Variants in IFT140 observed in about 807,000 individuals in gnomAD.
The protein encoded by IFT140 is intraflagellar transport protein 140 homolog.
A neutral mutation model predicts 164.6 loss-of-function variants in IFT140; 133 were observed. That is an observed-to-expected ratio of 0.81 (90% CI 0.70 to 0.93). IFT140 has a LOEUF of 0.93. Among genes scored for constraint, IFT140 ranks in the 40% least tolerant of loss-of-function variants. The probability of loss-of-function intolerance (pLI) is 0.00; values close to 1 mark genes in which losing one functional copy is unlikely to be tolerated. For missense variants in IFT140, 2,045 were observed against 1,972.3 expected, an observed-to-expected ratio of 1.04 and a Z score of -0.70; for synonymous variants, 860 against 817.3, an observed-to-expected ratio of 1.05 and a Z score of -0.89.
At chr16:1,534,151 G>A (rs2030804474) in intron 19 of IFT140, 2 of 1,279,704 alleles carry the variant, frequency 1.6e-6, no homozygotes, top group Non-Finnish European at 1.1e-6. Context: ...GCCTCCGCCC[G>A]CGCCGCCCCG....
chr16:1,607,914 G>C (rs1242304354), intron 2 of IFT140, among the ~76,000 whole-genome samples: 1 of 152,176 alleles, frequency 6.6e-6, no homozygotes, highest in Non-Finnish European at 1.5e-5. Flanking sequence ...CAAAGTGCTG[G>C]GATTACAGCC....
intron 11 of IFT140, 34 bp from the exon 12 acceptor site, chr16:1,583,420 C>A: frequency 6.2e-7 from 1 of 1,600,018 alleles, no homozygotes. Context: ...AGGCAAAGGG[C>A]GGGAAAAGTG....
chr16:1,595,182 G>C (rs952738578), intron 4 of IFT140, among the ~76,000 whole-genome samples: 2 of 152,218 alleles, frequency 1.3e-5, no homozygotes, highest in African/African-American at 4.8e-5. Context: ...CTACTCGGGA[G>C]GCTGAGGCAG....
At chr16:1,594,680 C>G (rs549294399) in intron 4 of IFT140, among the ~76,000 whole-genome samples, 1 of 152,204 alleles carries the variant, frequency 6.6e-6, no homozygotes, top group African/African-American at 2.4e-5. Flanking sequence ...CAGACAGGTG[C>G]GAGTGGAGTT....
chr16:1,596,703 A>G (rs1350615444), intron 4 of IFT140, among the ~76,000 whole-genome samples: 2 of 152,110 alleles, frequency 1.3e-5, no homozygotes, highest in African/African-American at 2.4e-5. Flanking sequence ...TTTCTGCCCA[A>G]CGATCCTGGA....
chr16:1,528,455 G>T (rs1596310116), intron 19 of IFT140, among the ~76,000 whole-genome samples: 1 of 149,126 alleles, frequency 6.7e-6, no homozygotes, highest in African/African-American at 2.5e-5. Flanking sequence ...TCACATGCAT[G>T]CACACACACA....
rs763213109 is a variant in IFT140, at chr16:1,510,971, C to G, written c.4362G>C (p.Val1454=). ...MEDARELDEE[V]VEEADDDP ...AGGGGTCGTCATCTGCCTCTTCCAC[C>G]ACCTCCTCGTCCAGCTCCCTGGCGT... The change falls in exon 31 of 31, where the codon GTG becomes GTC. Residue 1454 remains valine, a synonymous_variant. Coordinates refer to ENST00000426508, the MANE Select transcript of IFT140 (RefSeq NM_014714.4). 1.2e-6 allele frequency: 2 copies of G among 1,612,318 alleles called. No individual in the cohort carries two copies. Among genetic ancestry groups the G allele is most frequent in the Admixed American group, 3.3e-5 (2 of 59,880 alleles).
intron 19 of IFT140, chr16:1,541,481 G>A (rs2031629831): frequency 1.0e-6 from 1 of 985,408 alleles, no homozygotes; most frequent in Non-Finnish European, 1.2e-6. Flanking sequence ...CTGGCCCCCC[G>A]CGGAGTCTCC....
chr16:1,583,321 C>G lies in IFT140; in HGVS notation c.1425G>C (p.Arg475=), dbSNP rs1312262491. ...CGGGTGAAAAGAACCCACCTGCACT[C>G]CGTATCGCGGCTCCAGAAAGCTCGA... ...AIFELSGAAI[R]SAGTFLCETP... is the part of the protein sequence containing the mutation. The change falls in exon 12 of 31, where the codon CGG becomes CGC. Residue 475 remains arginine, a synonymous_variant. Coordinates refer to ENST00000426508, the MANE Select transcript of IFT140 (RefSeq NM_014714.4). The G allele has an allele frequency of 6.2e-7, 1 of 1,613,984 alleles. No homozygotes were observed. The highest frequency in any genetic ancestry group is 1.3e-5 in the African/African-American group (1 of 74,922).
intron 19 of IFT140, among the ~76,000 whole-genome samples, chr16:1,535,434 T>C (rs1025840482): frequency 6.6e-6 from 1 of 151,964 alleles, no homozygotes; most frequent in African/African-American, 2.4e-5. Context: ...GTCAGCAAGG[T>C]TTTGACTCGC....
At chr16:1,601,588 C>T (rs568861654) in intron 4 of IFT140, among the ~76,000 whole-genome samples, 4 of 152,228 alleles carry the variant, frequency 2.6e-5, no homozygotes, top group Non-Finnish European at 5.9e-5. Context: ...GTGGGAACAG[C>T]GGGCGAATCG....
intron 21 of IFT140, 151 bp from the exon 22 acceptor site, chr16:1,525,477 A>C: frequency 1.5e-6 from 1 of 670,220 alleles, no homozygotes; most frequent in Non-Finnish European, 2.6e-6. Flanking sequence ...CCCTGAGCAC[A>C]CGTGGCCAGG....
intron 19 of IFT140, among the ~76,000 whole-genome samples, chr16:1,545,220 C>A (rs1567352897): frequency 6.6e-6 from 1 of 152,112 alleles, no homozygotes; most frequent in Non-Finnish European, 1.5e-5. Flanking sequence ...GGGGGCGGGA[C>A]TGTGCTCCAA....
At chr16:1,513,574 T>C (rs926381958) in intron 30 of IFT140, among the ~76,000 whole-genome samples, 4 of 151,944 alleles carry the variant, frequency 2.6e-5, no homozygotes, top group Non-Finnish European at 4.4e-5. Flanking sequence ...CTCCCCCTAA[T>C]GACGACGGAC....
intron 8 of IFT140, among the ~76,000 whole-genome samples, chr16:1,587,675 C>T (rs1036804537): frequency 1.3e-5 from 2 of 152,176 alleles, no homozygotes; most frequent in African/African-American, 4.8e-5. Context: ...AAAGAGATTC[C>T]ACGGGCAAAC....
chr16:1,565,244 C>T (rs1250119232), intron 16 of IFT140, among the ~76,000 whole-genome samples: 1 of 152,092 alleles, frequency 6.6e-6, no homozygotes, highest in Non-Finnish European at 1.5e-5. Flanking sequence ...AGGAGCGGCC[C>T]AAGAACAGTG....
intron 20 of IFT140, chr16:1,526,388 C>T: frequency 5.7e-6 from 3 of 525,196 alleles, no homozygotes; most frequent in East Asian, 3.6e-5. Context: ...GCGCTCTGTT[C>T]CAGGCCCACA....
At position 1,584,390 on chromosome 16, in the gene IFT140, T is replaced by C. The variant is rs1240683526; in HGVS notation, c.1186A>G (p.Asn396Asp). Residue 396 changes from asparagine to aspartate, a missense_variant, in exon 11 of 31, where the codon AAC becomes GAC. Transcript: ENST00000426508. The stretch of plus-strand genomic sequence containing the variant: ...AGGATGGCCACGGAGATGACGCTGT[T>C]CACTGCCAGCAGGTTCTTCCTGGAA... ...WGSRKNLLAV[N>D]SVISVAILSE... 4 of 1,611,478 alleles carry C rather than the reference T, an allele frequency of 2.5e-6. No individual in the cohort carries two copies. In the Admixed American group the frequency reaches 6.7e-5, roughly 27 times the overall value.
chr16:1,607,036 G>A (rs1366335008), intron 3 of IFT140, 84 bp downstream of exon 3: 2 of 1,347,912 alleles, frequency 1.5e-6, no homozygotes, highest in Non-Finnish European at 2.1e-6. Flanking sequence ...ACACACACAT[G>A]TGCACACACA....
Sources: allele counts gnomAD v4.1 joint callset (sites outside exome capture counted in the v4.1 genomes callset), GRCh38; gene constraint gnomAD v4.1.1; transcripts MANE v1.5; gene names NCBI Gene and HGNC (gene_info 2026-07-23, HGNC 2026-07-21).